PPP2R1B: variants seen among roughly 807,000 people sequenced by gnomAD.
PPP2R1B encodes serine/threonine-protein phosphatase 2A 65 kDa regulatory subunit A beta isoform.
A neutral mutation model predicts 72.7 loss-of-function variants in PPP2R1B; 58 were observed. That is an observed-to-expected ratio of 0.80 (90% CI 0.65 to 0.99). The LOEUF is 0.99. PPP2R1B is among the 50% of genes least tolerant of loss of function. PPP2R1B has a pLI of 0.00. For synonymous variants in PPP2R1B, 256 were observed against 264.6 expected (o/e 0.97, Z 0.32); for missense variants, 695 against 733.6 (o/e 0.95, Z 0.61).
chr11:111,747,759 A>T lies in PPP2R1B; in HGVS notation c.1399+195T>A, dbSNP rs151232972. ...ATGCAAATAAATTGTTTAATGGAGA[A>T]AATAAAATCGAAGATACAAAAAATT... On this transcript the variant is annotated intron_variant, in intron 11 of 14. Coordinates refer to ENST00000527614, the MANE Select transcript of PPP2R1B (RefSeq NM_002716.5). Among the ~76,000 whole-genome samples, 24 of 152,380 alleles carry T rather than the reference A, an allele frequency of 1.6e-4. No individual in the cohort carries two copies. The East Asian group carries it at 4.6e-3, about 29-fold the overall frequency.
chr11:111,691,631 C>A, the PPP2R1B span, among the ~76,000 whole-genome samples: 1 of 152,154 alleles, frequency 6.6e-6, no homozygotes, highest in Non-Finnish European at 1.5e-5. Flanking sequence ...TATGGTTGTA[C>A]ATTTAGTGTC....
At position 111,752,732 on chromosome 11, in the gene PPP2R1B, T is replaced by G. The variant is rs183077735; in HGVS notation, c.1165-400A>C. Reference sequence around the variant, plus strand: ...GGCTCACACCTGTAATCCCAGCACTTTGGGAGGCCGAGACGGGCAGATCAC... The same window carrying G: ...GGCTCACACCTGTAATCCCAGCACTGTGGGAGGCCGAGACGGGCAGATCAC... On this transcript the variant is annotated intron_variant, in intron 9 of 14. Transcript: ENST00000527614. 6.6e-3 allele frequency among the ~76,000 whole-genome samples: 998 copies of G among 152,204 alleles called. 8 individuals carry two copies. Among genetic ancestry groups the G allele is most frequent in the Middle Eastern group, 0.054 (16 of 294 alleles).
chr11:111,749,412 A>C (rs1336027257), intron 10 of PPP2R1B, among the ~76,000 whole-genome samples: 1 of 151,690 alleles, frequency 6.6e-6, no homozygotes, highest in Non-Finnish European at 1.5e-5. Flanking sequence ...GCCTCCCAAG[A>C]AGCCTCCCAA....
chr11:111,727,123 C>A, intron 15 of PPP2R1B: 2 of 1,417,494 alleles, frequency 1.4e-6, no homozygotes, highest in Non-Finnish European at 2.0e-6. Flanking sequence ...CCCGGTGACA[C>A]TGACCGTCCC....
intron 13 of PPP2R1B, 166 bp from the exon 14 acceptor site, chr11:111,742,310 T>TGTTA: frequency 1.3e-6 from 1 of 759,016 alleles, no homozygotes; most frequent in Non-Finnish European, 2.0e-6. Flanking sequence ...CTCAGCAAAA[T>TGTTA]CAGCTTCAGA....
chr11:111,704,802 T>C, the PPP2R1B span, among the ~76,000 whole-genome samples: 1 of 152,218 alleles, frequency 6.6e-6, no homozygotes, highest in South Asian at 2.1e-4. Context: ...ATATAATTAA[T>C]ACTAGAGACT....
chr11:111,748,201 CA>C (rs78249481), intron 10 of PPP2R1B, among the ~76,000 whole-genome samples, 187 bp from the exon 11 acceptor site: 38,678 of 151,252 alleles, frequency 0.26, 5,152 homozygotes, highest in Middle Eastern at 0.31. Flanking sequence ...AAATCATAAA[CA>C]AAAAAAAAGC....
chr11:111,702,820 T>G, the PPP2R1B span, among the ~76,000 whole-genome samples: 1 of 152,226 alleles, frequency 6.6e-6, no homozygotes. Context: ...TTTGCCTCGC[T>G]TACGTAGCCT....
At chr11:111,736,823 G>A (rs1402724317), downstream of PPP2R1B, among the ~76,000 whole-genome samples, 4 of 152,166 alleles carry the variant, frequency 2.6e-5, no homozygotes, top group Admixed American at 6.5e-5. Context: ...TGAACTAAAC[G>A]CAGTCTGGCA....
At chr11:111,720,877 T>C in the PPP2R1B span, 1 of 1,610,614 alleles carries the variant, frequency 6.2e-7, no homozygotes, top group Non-Finnish European at 8.5e-7. Context: ...TTAAACTGTT[T>C]GGTCTTGGTG....
chr11:111,737,969 C>G lies in PPP2R1B; in HGVS notation c.*3627G>C. The G allele has an allele frequency of 9.8e-7, 1 of 1,017,464 alleles. No homozygotes were observed. Among genetic ancestry groups the G allele is most frequent in the Non-Finnish European group, 1.2e-6 (1 of 848,300 alleles). 63.0% of individuals were successfully genotyped at this position (1,017,464 alleles called of 1,614,324 possible). The stretch of plus-strand genomic sequence containing the variant: ...TGAGTAATTAAACTCTATTCGTCCT[C>G]CGGAAGATTTCCATCCCAACTGAAC... On this transcript the variant is annotated 3_prime_UTR_variant, in exon 15 of 15. Coordinates refer to ENST00000527614, the MANE Select transcript of PPP2R1B (RefSeq NM_002716.5).
At chr11:111,698,857 G>A in the PPP2R1B span, among the ~76,000 whole-genome samples, 2 of 152,162 alleles carry the variant, frequency 1.3e-5, no homozygotes, top group Non-Finnish European at 2.9e-5. Context: ...ACACACATCC[G>A]AGAGCTTCTT....
the PPP2R1B span, among the ~76,000 whole-genome samples, chr11:111,692,971 T>C: frequency 2.0e-5 from 3 of 152,170 alleles, no homozygotes; most frequent in South Asian, 6.2e-4. Context: ...TCAAACATGG[T>C]TCATTTTAAT....
intron 3 of PPP2R1B, among the ~76,000 whole-genome samples, chr11:111,764,520 C>T (rs1037774368): frequency 1.3e-5 from 2 of 151,940 alleles, no homozygotes; most frequent in Non-Finnish European, 2.9e-5. Context: ...TCCACCATCG[C>T]GCGGGGGAAC....
downstream of PPP2R1B, chr11:111,722,028 T>C: frequency 9.9e-7 from 1 of 1,005,186 alleles, no homozygotes; most frequent in East Asian, 2.7e-5. The surrounding 1 kb of genome is among the most constrained non-coding windows in gnomAD (Gnocchi z 4.4). Context: ...GCCTGGCATT[T>C]ATTTAGGGTA....
At chr11:111,765,213 A>C in intron 2 of PPP2R1B, 81 bp downstream of exon 2, 1 of 1,345,924 alleles carries the variant, frequency 7.4e-7, no homozygotes, top group Non-Finnish European at 1.0e-6. Context: ...TAATGTGGGT[A>C]ATAAACTCTA....
chr11:111,740,100 TCAAAAAC>T lies in PPP2R1B; in HGVS notation c.*1489_*1495del. On this transcript the variant is annotated 3_prime_UTR_variant, in exon 15 of 15. Coordinates refer to ENST00000527614, the MANE Select transcript of PPP2R1B (RefSeq NM_002716.5). ...AGAGGTTGTGAACAAAATCAACAAT[TCAAAAAC>T]CAAAAGGGTAACAAGCAAACCTCAT... 1.0e-6 allele frequency: 1 copy of T among 985,264 alleles called. No homozygotes were observed. The highest frequency in any genetic ancestry group is 1.2e-6 in the Non-Finnish European group (1 of 829,890). 61.0% of individuals were successfully genotyped at this position (985,264 alleles called of 1,614,324 possible). A position where few individuals can be genotyped will look rare whatever the true frequency, so the allele number is the denominator to read the frequency against.
chr11:111,719,723 T>C, the PPP2R1B span: 1 of 1,547,652 alleles, frequency 6.5e-7, no homozygotes, highest in Non-Finnish European at 8.8e-7. Flanking sequence ...TTTGTGGATT[T>C]TTCTGTCTCA....
At position 111,750,848 on chromosome 11, in the gene PPP2R1B, T is replaced by G. The variant is rs570432422; in HGVS notation, c.1338+1311A>C. On this transcript the variant is annotated intron_variant, in intron 10 of 14. Coordinates refer to ENST00000527614, the MANE Select transcript of PPP2R1B (RefSeq NM_002716.5). ...TCAGTTTTTGTTTTTGTTTTGTTTT[T>G]TTTTTTTTGACACAAAGTTTTACTC... Among the ~76,000 whole-genome samples, 696 of 146,918 alleles carry G rather than the reference T, an allele frequency of 4.7e-3. 3 individuals carry two copies. Among genetic ancestry groups the G allele is most frequent in the African/African-American group, 0.011 (457 of 40,064 alleles).
Sources: allele counts gnomAD v4.1 joint callset (sites outside exome capture counted in the v4.1 genomes callset), GRCh38; gene constraint gnomAD v4.1.1; non-coding constraint Gnocchi (gnomAD v3.1); transcripts MANE v1.5; gene names NCBI Gene and HGNC (gene_info 2026-07-23, HGNC 2026-07-21).